Variants in CD163 observed in about 807,000 individuals in gnomAD.
CD163 encodes CD163 molecule.
Under a neutral mutation model 129.2 loss-of-function variants are expected in CD163, and 64 were observed. The observed-to-expected ratio is 0.50, with a 90% CI of 0.41 to 0.61. The LOEUF (loss-of-function observed/expected upper bound fraction) is 0.61, where lower values mean the gene tolerates loss of function less well. CD163 is among the 20% of genes least tolerant of loss of function. The pLI is 0.00. For synonymous variants in CD163, 446 were observed against 478.5 expected (o/e 0.93, Z 0.89); for missense variants, 1,061 against 1,377.9 (o/e 0.77, Z 3.64).
chr12:7,482,440 G>A (rs749920261), intron 14 of CD163, among the ~76,000 whole-genome samples: 13 of 152,226 alleles, frequency 8.5e-5, no homozygotes, highest in African/African-American at 2.6e-4. Flanking sequence ...CTGGACTCAA[G>A]CAATTCTCCT....
Position 7,496,990 on chromosome 12 carries a change from C to T in CD163, c.922G>A (p.Gly308Arg), listed in dbSNP as rs368647569. 6.2e-7 allele frequency: 1 copy of T among 1,613,936 alleles called. No individual in the cohort carries two copies. The highest frequency in any genetic ancestry group is 8.5e-7 in the Non-Finnish European group (1 of 1,179,998). The change falls in exon 5 of 17, where the codon GGA becomes AGA. Residue 308 changes from glycine (G) to arginine (R), a missense_variant. By Grantham distance (125) the Gly-to-Arg change is moderately radical. Transcript: ENST00000432237. The surrounding 1 kb of genome is among the most constrained non-coding windows in gnomAD (Gnocchi z 4.8). ...YDAAVACKQL[G>R]CPTAVTAIGR... is the part of the protein sequence containing the mutation. ...ATGGCTGTGACGGCAGTTGGACATC[C>T]CAGTTGCTTGCATGCCACAGCAGCA...
At position 7,501,421 on chromosome 12, in the gene CD163, T is replaced by C; in HGVS notation, c.175A>G (p.Lys59Glu). The change falls in exon 3 of 17, where the codon AAG (lysine) becomes GAG (glutamate). Residue 59 changes from lysine (K) to glutamate (E), a missense_variant. Transcript: ENST00000432237. ...TTCACTTCCACTCTCCCGCTACACT[T>C]GTTTTCACCATCCACTAGCCTCAGC... is the stretch of plus-strand genomic sequence containing the variant. Reference protein sequence around the residue: ...KELRLVDGENKCSGRVEVKVQ... With the variant: ...KELRLVDGENECSGRVEVKVQ... The C allele has an allele frequency of 1.2e-6, 2 of 1,613,972 alleles. No homozygotes were observed. Among genetic ancestry groups the C allele is most frequent in the Non-Finnish European group, 1.7e-6 (2 of 1,179,986 alleles).
chr12:7,494,622 C>A (rs1382263197), intron 6 of CD163, among the ~76,000 whole-genome samples: 1 of 152,094 alleles, frequency 6.6e-6, no homozygotes, highest in African/African-American at 2.4e-5. Flanking sequence ...TAAAGATTAT[C>A]CACAAACCTA....
intron 4 of CD163, among the ~76,000 whole-genome samples, chr12:7,498,575 C>T (rs1366081448): frequency 6.6e-6 from 1 of 151,940 alleles, no homozygotes; most frequent in Non-Finnish European, 1.5e-5. Context: ...TTCCTTTTTC[C>T]CCTCTTTTTC....
intron 6 of CD163, among the ~76,000 whole-genome samples, chr12:7,489,600 C>T (rs950067917): frequency 1.7e-4 from 26 of 151,764 alleles, no homozygotes; most frequent in African/African-American, 5.3e-4. Flanking sequence ...TTAAAAAGGC[C>T]GCCACAGAAT....
Position 7,485,319 on chromosome 12 carries a change from C to G in CD163, c.2556G>C (p.Lys852Asn). The change falls in exon 11 of 17, where the codon AAG becomes AAC. Residue 852 changes from lysine (K) to asparagine (N), a missense_variant. Coordinates refer to ENST00000432237, the MANE Select transcript of CD163 (RefSeq NM_203416.4). This position sits in a 1 kb window ranked among gnomAD's most constrained non-coding sequence, Gnocchi z 4.5. ...FYNGAWGTVG[K>N]SSMSETTVGV... ...CCACAGTGGTTTCAGACATGCTACT[C>G]TTGCCAACAGTGCCCCAAGCTCCAT... 6.2e-7 allele frequency: 1 copy of G among 1,614,236 alleles called. No individual in the cohort carries two copies. Among genetic ancestry groups the G allele is most frequent in the Non-Finnish European group, 8.5e-7 (1 of 1,180,032 alleles).
chr12:7,474,928 T>A (rs1469024019), intron 16 of CD163, among the ~76,000 whole-genome samples: 3 of 151,754 alleles, frequency 2.0e-5, no homozygotes, highest in East Asian at 3.9e-4. Flanking sequence ...CAAACTACCA[T>A]CAGAGAATGC....
chr12:7,500,418 T>TC (rs749168341), intron 3 of CD163, among the ~76,000 whole-genome samples: 22 of 9,994 alleles, frequency 2.2e-3, no homozygotes, highest in Non-Finnish European at 0.011. Flanking sequence ...CGACAATTCG[T>TC]CCCAAAAAAA....
chr12:7,486,104 A>G (rs928115849), intron 10 of CD163, among the ~76,000 whole-genome samples: 3 of 152,128 alleles, frequency 2.0e-5, no homozygotes, highest in South Asian at 2.1e-4. Flanking sequence ...GGGCATAGTA[A>G]TTATCTTTTT....
chr12:7,480,790 C>T, intron 15 of CD163: 1 of 767,900 alleles, frequency 1.3e-6, no homozygotes, highest in Non-Finnish European at 1.6e-6. Context: ...CCCATAAAAT[C>T]ATGTTGTATA....
In CD163 at chr12:7,498,531, T is replaced by C. The variant is rs574304747; in HGVS notation, c.778+337A>G. ...GGAGTGGTTTGGTCATAAAACTTCATAGTGCAAAATATCCTAGTAAAGCCC... is the reference window on the plus strand; with the variant it reads ...GGAGTGGTTTGGTCATAAAACTTCACAGTGCAAAATATCCTAGTAAAGCCC... On this transcript the variant is annotated intron_variant, in intron 4 of 16. Transcript: ENST00000432237. 1.9e-3 allele frequency among the ~76,000 whole-genome samples: 282 copies of C among 152,324 alleles called. 1 individual carries two copies. Among genetic ancestry groups the C allele is most frequent in the Middle Eastern group, 6.8e-3 (2 of 294 alleles).
In CD163 at chr12:7,483,372, C is replaced by A; in HGVS notation, c.3083G>T (p.Cys1028Phe). 6.2e-7 allele frequency: 1 copy of A among 1,611,368 alleles called. No individual in the cohort carries two copies. Among genetic ancestry groups the A allele is most frequent in the Non-Finnish European group, 8.5e-7 (1 of 1,178,776 alleles). The change falls in exon 12 of 17, where the codon TGC becomes TTC. Residue 1028 changes from cysteine (C) to phenylalanine (F), a missense_variant. Physicochemically the swap from Cys to Phe is radical, Grantham distance 205 (BLOSUM62 -2). Transcript: ENST00000432237. The stretch of plus-strand genomic sequence containing the variant: ...TCCAGGCTTCTGGCACTTACCTGTG[C>A]AATTCACTGCAGCGTCTTCCTTGTG... ...CGHKEDAAVN[C>F]TDISVQKTPQ... is the part of the protein sequence containing the mutation.
chr12:7,489,657 T>C (rs993839982), intron 6 of CD163, among the ~76,000 whole-genome samples: 6 of 152,074 alleles, frequency 3.9e-5, no homozygotes, highest in African/African-American at 1.4e-4. Context: ...ATAATCATAA[T>C]CATATTAGCT....
intron 16 of CD163, among the ~76,000 whole-genome samples, chr12:7,478,165 T>C (rs1207261257): frequency 2.6e-5 from 4 of 152,184 alleles, no homozygotes; most frequent in Non-Finnish European, 5.9e-5. Context: ...CTTTGTATAT[T>C]TGTCATTACA....
intron 4 of CD163, 108 bp from the exon 5 acceptor site, chr12:7,497,241 A>C (rs1949415827): frequency 1.1e-6 from 1 of 872,864 alleles, no homozygotes; most frequent in Non-Finnish European, 1.8e-6. Flanking sequence ...ATAAGTGGAG[A>C]CAGAGAAAAC....
At chr12:7,491,501 T>C (rs1055444363) in intron 6 of CD163, among the ~76,000 whole-genome samples, 2 of 152,100 alleles carry the variant, frequency 1.3e-5, no homozygotes, top group Non-Finnish European at 2.9e-5. Context: ...TTTAGCACCA[T>C]TGATCAACAA....
chr12:7,473,675 A>G (rs1443938028), intron 16 of CD163, among the ~76,000 whole-genome samples: 2 of 152,228 alleles, frequency 1.3e-5, no homozygotes, highest in Non-Finnish European at 2.9e-5. Flanking sequence ...ACTAATGTGC[A>G]AAATAACCAG....
chr12:7,478,217 A>C (rs1252908614), intron 16 of CD163, among the ~76,000 whole-genome samples: 4 of 152,120 alleles, frequency 2.6e-5, no homozygotes, highest in Non-Finnish European at 5.9e-5. Context: ...TCAGGGATAG[A>C]ATTATTGGGT....
In CD163 at chr12:7,501,207, C is replaced by A. The variant is rs781435122; in HGVS notation, c.389G>T (p.Cys130Phe). 1 of 1,614,208 alleles carries A rather than the reference C, an allele frequency of 6.2e-7. No homozygotes were observed. Among genetic ancestry groups the A allele is most frequent in the Non-Finnish European group, 8.5e-7 (1 of 1,180,024 alleles). The change falls in exon 3 of 17, where the codon TGC (cysteine) becomes TTC (phenylalanine). Residue 130 changes from cysteine to phenylalanine, a missense_variant. By Grantham distance (205) the Cys-to-Phe change is radical (BLOSUM62 -2). Coordinates refer to ENST00000432237, the MANE Select transcript of CD163 (RefSeq NM_203416.4). ...ATGCTTTCCCCATCCATCATGTTTG[C>A]AATCCCAAAGAGCTGACTCATTCCC... ...CRGNESALWD[C>F]KHDGWGKHSN...
Sources: gnomAD v4.1 joint callset for allele counts (sites outside exome capture counted in the v4.1 genomes callset) on GRCh38, gnomAD v4.1.1 for gene constraint, Gnocchi (gnomAD v3.1) non-coding constraint, MANE v1.5 for transcripts, NCBI Gene and HGNC (gene_info 2026-07-23, HGNC 2026-07-21) for gene names.